The following AFG2A variants were observed in gnomAD, a reference collection of about 807,000 sequenced individuals.
AFG2A encodes the protein ATPase family gene 2 protein homolog A.
At chr4:123,147,815 A>T in the AFG2A span, among the ~76,000 whole-genome samples, 1 of 152,206 alleles carries the variant, frequency 6.6e-6, no homozygotes, top group South Asian at 2.1e-4. Flanking sequence ...TTTTCCAAAA[A>T]TCATTAATAC....
At chr4:123,161,020 G>A in the AFG2A span, among the ~76,000 whole-genome samples, 3 of 152,116 alleles carry the variant, frequency 2.0e-5, no homozygotes, top group Non-Finnish European at 1.5e-5. Flanking sequence ...TTGACCTTGG[G>A]CAGCTGAAAC....
At chr4:123,003,184 G>T in the AFG2A span, among the ~76,000 whole-genome samples, 4 of 152,012 alleles carry the variant, frequency 2.6e-5, no homozygotes, top group Non-Finnish European at 5.9e-5. Flanking sequence ...CTCTATATTG[G>T]TTATTCTAGT....
the AFG2A span, among the ~76,000 whole-genome samples, chr4:122,984,489 T>G: frequency 2.6e-5 from 4 of 152,222 alleles, no homozygotes; most frequent in South Asian, 2.1e-4. Context: ...AATACTATGA[T>G]GAAGAGGAGT....
chr4:122,932,076 G>A, the AFG2A span, among the ~76,000 whole-genome samples: 1 of 151,988 alleles, frequency 6.6e-6, no homozygotes, highest in African/African-American at 2.4e-5. Context: ...AGACCAGCCT[G>A]GGAAACATGG....
the AFG2A span, among the ~76,000 whole-genome samples, chr4:123,031,998 G>C: frequency 6.6e-6 from 1 of 152,156 alleles, no homozygotes; most frequent in African/African-American, 2.4e-5. Flanking sequence ...TTTCCTTTCT[G>C]CTTCTCTCTT....
the AFG2A span, among the ~76,000 whole-genome samples, chr4:122,941,170 A>C: frequency 6.6e-6 from 1 of 151,646 alleles, no homozygotes; most frequent in African/African-American, 2.4e-5. Context: ...TTCTGTGAAG[A>C]AAGTCATTGG....
the AFG2A span, among the ~76,000 whole-genome samples, chr4:123,152,784 A>C: frequency 6.6e-6 from 1 of 152,220 alleles, no homozygotes; most frequent in Non-Finnish European, 1.5e-5. Flanking sequence ...AAACATGTCC[A>C]CACAAAAACC....
At chr4:123,048,000 C>T in the AFG2A span, among the ~76,000 whole-genome samples, 2 of 152,072 alleles carry the variant, frequency 1.3e-5, no homozygotes, top group Non-Finnish European at 1.5e-5. Context: ...TGCCTAGCCA[C>T]ATTTAAGCCT....
the AFG2A span, among the ~76,000 whole-genome samples, chr4:122,980,618 T>G: frequency 6.6e-6 from 1 of 152,190 alleles, no homozygotes; most frequent in Non-Finnish European, 1.5e-5. Flanking sequence ...CCACCAACAG[T>G]GTACAAGGGT....
the AFG2A span, among the ~76,000 whole-genome samples, chr4:123,022,475 C>G: frequency 0.43 from 63,593 of 149,388 alleles, 16,303 homozygotes; most frequent in Non-Finnish European, 0.57. Context: ...CAAATCAAAA[C>G]CACAATGAGA....
At chr4:122,954,024 C>T in the AFG2A span, among the ~76,000 whole-genome samples, 4 of 152,194 alleles carry the variant, frequency 2.6e-5, no homozygotes, top group Non-Finnish European at 5.9e-5. Context: ...TAGCATGTTT[C>T]ATCCCTAATT....
the AFG2A span, among the ~76,000 whole-genome samples, chr4:123,208,938 A>G: frequency 6.6e-6 from 1 of 152,224 alleles, no homozygotes; most frequent in Non-Finnish European, 1.5e-5. Flanking sequence ...GGGTGGGGTC[A>G]CAGGAGAGAA....
At chr4:123,085,655 ATC>A in the AFG2A span, among the ~76,000 whole-genome samples, 5 of 151,662 alleles carry the variant, frequency 3.3e-5, no homozygotes, top group African/African-American at 1.2e-4. Flanking sequence ...TATTCATTCA[ATC>A]TCTGTTCTTT....
At chr4:123,055,391 T>G in the AFG2A span, among the ~76,000 whole-genome samples, 27 of 152,176 alleles carry the variant, frequency 1.8e-4, no homozygotes. Flanking sequence ...TTCTGTATGT[T>G]TTGATGGTAC....
the AFG2A span, among the ~76,000 whole-genome samples, chr4:122,926,388 A>T: frequency 6.6e-6 from 1 of 152,242 alleles, no homozygotes; most frequent in Non-Finnish European, 1.5e-5. Flanking sequence ...AAGAGAACTA[A>T]TGCTCATTGG....
the AFG2A span, among the ~76,000 whole-genome samples, chr4:123,170,547 G>A: frequency 6.6e-6 from 1 of 152,098 alleles, no homozygotes; most frequent in Non-Finnish European, 1.5e-5. Context: ...TCTTTTAAAT[G>A]TGCTATTACC....
the AFG2A span, among the ~76,000 whole-genome samples, chr4:122,970,637 A>G: frequency 1.3e-5 from 2 of 151,814 alleles, no homozygotes; most frequent in African/African-American, 4.8e-5. Flanking sequence ...AGTATTGAGT[A>G]TAGTAACTTG....
the AFG2A span, among the ~76,000 whole-genome samples, chr4:122,960,595 C>T: frequency 4.6e-5 from 7 of 152,182 alleles, no homozygotes; most frequent in African/African-American, 9.7e-5. Flanking sequence ...TCAACATGTT[C>T]TTACCAAATT....
chr4:123,126,852 A>G, the AFG2A span, among the ~76,000 whole-genome samples: 3 of 152,224 alleles, frequency 2.0e-5, no homozygotes, highest in African/African-American at 2.4e-5. Flanking sequence ...AGAAGGAACT[A>G]ATACAGAGAT....
Sources: allele counts gnomAD v4.1 joint callset (sites outside exome capture counted in the v4.1 genomes callset), GRCh38; gene constraint gnomAD v4.1.1; transcripts MANE v1.5; gene names NCBI Gene and HGNC (gene_info 2026-07-23, HGNC 2026-07-21).